ADARB2: variants seen among roughly 807,000 people sequenced by gnomAD.
ADARB2 encodes the protein inactive double-stranded RNA-specific editase B2.
ADARB2 carries 25 observed loss-of-function variants against 62.2 expected under a neutral mutation model. That is an observed-to-expected ratio of 0.40 (90% confidence interval 0.29 to 0.56). The LOEUF (loss-of-function observed/expected upper bound fraction) is 0.56, where lower values mean the gene tolerates loss of function less well. ADARB2 is among the 20% of genes least tolerant of loss of function. ADARB2 has a pLI of 0.43. For synonymous variants in ADARB2, 572 were observed against 500.8 expected (o/e 1.14, Z -1.90); for missense variants, 1,071 against 1,077.4 (o/e 0.99, Z 0.08).
chr10:1,228,746 C>A (rs536244291), intron 6 of ADARB2, among the ~76,000 whole-genome samples: 1 of 152,308 alleles, frequency 6.6e-6, no homozygotes, highest in East Asian at 1.9e-4. Flanking sequence ...CGATGCACCA[C>A]GAACACTTTT....
chr10:1,407,850 G>T (rs531419346), intron 1 of ADARB2, among the ~76,000 whole-genome samples: 50 of 152,294 alleles, frequency 3.3e-4, no homozygotes, highest in African/African-American at 1.1e-3. Flanking sequence ...ACTGTTCTGT[G>T]GGGGGAACTG....
intron 3 of ADARB2, among the ~76,000 whole-genome samples, chr10:1,309,092 C>T (rs1431959794): frequency 6.6e-6 from 1 of 152,138 alleles, no homozygotes; most frequent in Non-Finnish European, 1.5e-5. Flanking sequence ...GCAAACCACA[C>T]AGACATTTTT....
At chr10:1,305,919 A>G (rs1424255108) in intron 3 of ADARB2, among the ~76,000 whole-genome samples, 1 of 151,362 alleles carries the variant, frequency 6.6e-6, no homozygotes, top group Non-Finnish European at 1.5e-5. Flanking sequence ...AATAAGAGCT[A>G]TCTATGACAA....
At chr10:1,422,432 G>A (rs960664686) in intron 1 of ADARB2, among the ~76,000 whole-genome samples, 12 of 152,220 alleles carry the variant, frequency 7.9e-5, no homozygotes, top group Admixed American at 4.6e-4. Flanking sequence ...GGGGCTGCAG[G>A]TGAGGGCACA....
rs1589160202 is a variant in ADARB2 at position 1,233,779 on chromosome 10, T to C, written c.1428A>G (p.Arg476=). The C allele has an allele frequency of 7.4e-6, 12 of 1,613,964 alleles. No homozygotes were observed. The highest frequency in any genetic ancestry group is 1.0e-5 in the Non-Finnish European group (12 of 1,179,972). The change falls in exon 6 of 10, where the codon CGA becomes CGG. Residue 476 remains arginine, a synonymous_variant. Coordinates refer to ENST00000381312, the MANE Select transcript of ADARB2 (RefSeq NM_018702.4). ...VRLKEGGYRL[R]ENILFHLYVS... The stretch of plus-strand genomic sequence containing the variant: ...CGTAGAGATGGAAGAGGATGTTCTC[T>C]CGCAGCCGGTAGCCACCTTCTTTTA...
chr10:1,732,662 G>A (rs1457373310), intron 1 of ADARB2, among the ~76,000 whole-genome samples: 3 of 152,236 alleles, frequency 2.0e-5, no homozygotes, highest in Admixed American at 6.5e-5. Context: ...GATAAGCGGA[G>A]GATGTGGGGC....
At chr10:1,559,119 G>A (rs1280999452) in intron 1 of ADARB2, among the ~76,000 whole-genome samples, 1 of 152,164 alleles carries the variant, frequency 6.6e-6, no homozygotes, top group Non-Finnish European at 1.5e-5. Flanking sequence ...TCAGCTGCAG[G>A]GCCTGTCAAA....
At chr10:1,219,809 GATGATGGTGATGGTA>G (rs1356925515) in intron 6 of ADARB2, among the ~76,000 whole-genome samples, 6 of 148,900 alleles carry the variant, frequency 4.0e-5, no homozygotes, top group Non-Finnish European at 8.9e-5. Flanking sequence ...TGGCAATGGT[GATGATGGTGATGGTA>G]ATGATGGTGG....
Position 1,367,592 on chromosome 10 carries a change from A to G in ADARB2, c.188-3675T>C, listed in dbSNP as rs111921952. Among the ~76,000 whole-genome samples, 943 of 152,286 alleles carry G rather than the reference A, an allele frequency of 6.2e-3. 8 individuals are homozygous for G. Among genetic ancestry groups the G allele is most frequent in the African/African-American group, 0.021 (883 of 41,546 alleles). On this transcript the variant is annotated intron_variant, in intron 2 of 9. Transcript: ENST00000381312. ...GTTGAGTGTGTTTCAGGCCAAGGGT[A>G]AGCAGATGAGATTAACCATGGGATT...
chr10:1,651,215 C>T (rs1289231310), intron 1 of ADARB2, among the ~76,000 whole-genome samples: 2 of 152,246 alleles, frequency 1.3e-5, no homozygotes, highest in South Asian at 2.1e-4. Flanking sequence ...AAACTATTAG[C>T]CAATGAGCAA....
intron 1 of ADARB2, among the ~76,000 whole-genome samples, chr10:1,408,174 G>A (rs1385320815): frequency 6.6e-6 from 1 of 152,064 alleles, no homozygotes; most frequent in Admixed American, 6.5e-5. Flanking sequence ...ACATGGTTTG[G>A]CAATCCCCTT....
At chr10:1,547,168 T>G (rs895535604) in intron 1 of ADARB2, among the ~76,000 whole-genome samples, 1 of 151,316 alleles carries the variant, frequency 6.6e-6, no homozygotes, top group Non-Finnish European at 1.5e-5. Flanking sequence ...TTGGGGAAAC[T>G]GGGAGAGATG....
intron 1 of ADARB2, among the ~76,000 whole-genome samples, chr10:1,579,143 A>G (rs1262167183): frequency 6.6e-6 from 1 of 152,042 alleles, no homozygotes; most frequent in African/African-American, 2.4e-5. Context: ...GCTTTATATC[A>G]AGTACTTAGA....
chr10:1,535,252 G>T (rs117494990), intron 1 of ADARB2, among the ~76,000 whole-genome samples: 167 of 152,266 alleles, frequency 1.1e-3, no homozygotes, highest in African/African-American at 3.1e-3. Flanking sequence ...TCCTCCAGCT[G>T]AGCAAATGTA....
intron 1 of ADARB2, among the ~76,000 whole-genome samples, chr10:1,414,019 G>A (rs1035312788): frequency 9.9e-5 from 15 of 152,090 alleles, no homozygotes; most frequent in Admixed American, 2.0e-4. Context: ...GGCTCTATTC[G>A]TTCTTCAGAC....
chr10:1,256,479 A>G (rs528275890), intron 4 of ADARB2, among the ~76,000 whole-genome samples: 1 of 152,340 alleles, frequency 6.6e-6, no homozygotes, highest in South Asian at 2.1e-4. Context: ...ACTGTTGGTT[A>G]CTGAGACAAT....
In ADARB2 at chr10:1,464,349, G is replaced by A. The variant is rs1831220071; in HGVS notation, c.101-85189C>T. On this transcript the variant is annotated intron_variant, in intron 1 of 9. Transcript: ENST00000381312. ...GGTGGACACACACTCCCCCACACAC[G>A]CGCGGGGGCCAGTCACAGCGGGCAG... Among the ~76,000 whole-genome samples the A allele has an allele frequency of 8.9e-5, 13 of 146,224 alleles. 1 individual carries two copies. In the South Asian group the frequency reaches 2.6e-3, roughly 29 times the overall value.
intron 3 of ADARB2, among the ~76,000 whole-genome samples, chr10:1,278,684 C>G (rs567711549): frequency 6.6e-6 from 1 of 152,082 alleles, no homozygotes; most frequent in Non-Finnish European, 1.5e-5. Flanking sequence ...TTCCTAGGCC[C>G]GAAAGGTTTC....
chr10:1,423,191 C>T (rs990239305), intron 1 of ADARB2, among the ~76,000 whole-genome samples: 18 of 152,346 alleles, frequency 1.2e-4, no homozygotes, highest in African/African-American at 3.1e-4. Context: ...TCCCAGCCCT[C>T]GCTAAGCTGG....
Sources: gnomAD v4.1 joint callset for allele counts (sites outside exome capture counted in the v4.1 genomes callset) on GRCh38, gnomAD v4.1.1 for gene constraint, MANE v1.5 for transcripts, NCBI Gene and HGNC (gene_info 2026-07-23, HGNC 2026-07-21) for gene names.